The following VAV3 variants were observed in gnomAD, a reference collection of about 807,000 sequenced individuals.
VAV3 encodes the protein guanine nucleotide exchange factor VAV3.
Under a neutral mutation model 131.2 loss-of-function variants are expected in VAV3, and 94 were observed. The ratio of observed to expected loss-of-function variants is 0.72; its 90% confidence interval spans 0.61 to 0.85. VAV3 has a LOEUF of 0.85. Among genes scored for constraint, VAV3 ranks in the 40% least tolerant of loss-of-function variants. The pLI is 0.00. For missense variants in VAV3, 939 were observed against 1,002.7 expected (o/e 0.94, Z 0.86); for synonymous variants, 349 against 342.0 (o/e 1.02, Z -0.22).
intron 2 of VAV3, among the ~76,000 whole-genome samples, chr1:107,783,301 C>G (rs924457332): frequency 6.6e-6 from 1 of 152,050 alleles, no homozygotes; most frequent in Admixed American, 6.5e-5. Flanking sequence ...GGGTAGAGGA[C>G]ATAGGGAACA....
intron 19 of VAV3, among the ~76,000 whole-genome samples, chr1:107,653,372 G>A (rs1409361247): frequency 6.6e-6 from 1 of 151,808 alleles, no homozygotes; most frequent in Non-Finnish European, 1.5e-5. Flanking sequence ...TTCTGAAATA[G>A]AACAAGGGAA....
At chr1:107,718,720 T>C (rs1661285408) in intron 15 of VAV3, among the ~76,000 whole-genome samples, 1 of 152,134 alleles carries the variant, frequency 6.6e-6, no homozygotes, top group South Asian at 2.1e-4. Flanking sequence ...AAAGTTCATA[T>C]GGAACCAAAA....
At chr1:107,657,988 T>A (rs111537116) in intron 19 of VAV3, among the ~76,000 whole-genome samples, 15 of 152,360 alleles carry the variant, frequency 9.8e-5, no homozygotes, top group African/African-American at 3.1e-4. Flanking sequence ...TATTTTGGCA[T>A]AGAATTTATA....
intron 1 of VAV3, among the ~76,000 whole-genome samples, chr1:107,905,529 A>T (rs1323365149): frequency 1.3e-5 from 2 of 152,116 alleles, no homozygotes; most frequent in Non-Finnish European, 2.9e-5. Context: ...GACCTCTGAC[A>T]TCTTAAAAAA....
chr1:107,958,299 T>C (rs1674914433), intron 1 of VAV3, among the ~76,000 whole-genome samples: 1 of 152,210 alleles, frequency 6.6e-6, no homozygotes, highest in South Asian at 2.1e-4. Flanking sequence ...CACCACCTTG[T>C]ATGGGAGGAG....
chr1:107,702,748 C>T (rs547964546), intron 17 of VAV3, among the ~76,000 whole-genome samples: 15 of 151,324 alleles, frequency 9.9e-5, no homozygotes, highest in African/African-American at 2.2e-4. Context: ...TCCACGTGTA[C>T]TCCAGATCAT....
In VAV3 at chr1:107,731,880, C is replaced by T. The variant is rs1570849771; in HGVS notation, c.1502+17088G>A. ...ACCATTATGAAAAGGTATTCAGAAT[C>T]GATGGGAAAAAACAACTATGACAAA... On this transcript the variant is annotated intron_variant, in intron 15 of 26. Transcript: ENST00000370056. Among the ~76,000 whole-genome samples the T allele has an allele frequency of 2.0e-5, 3 of 152,188 alleles. No individual in the cohort carries two copies. The South Asian group carries it at 6.2e-4, about 32-fold the overall frequency.
intron 15 of VAV3, among the ~76,000 whole-genome samples, chr1:107,727,936 CAATT>C (rs1166940154): frequency 6.6e-5 from 10 of 152,104 alleles, no homozygotes; most frequent in Non-Finnish European, 1.5e-4. Context: ...ACACATTAAA[CAATT>C]AAACAAGCAA....
At chr1:107,755,646 T>A in intron 11 of VAV3, 133 bp from the exon 12 acceptor site, 1 of 626,872 alleles carries the variant, frequency 1.6e-6, no homozygotes, top group Non-Finnish European at 2.7e-6. Context: ...GACAGTAAAA[T>A]GAATGCCCAG....
chr1:107,585,695 T>C (rs1190995158), intron 25 of VAV3, among the ~76,000 whole-genome samples: 1 of 152,140 alleles, frequency 6.6e-6, no homozygotes, highest in Non-Finnish European at 1.5e-5. Context: ...AAGTCATGGA[T>C]CCACACCACT....
At chr1:107,902,444 T>G (rs562982313) in intron 1 of VAV3, among the ~76,000 whole-genome samples, 5 of 152,350 alleles carry the variant, frequency 3.3e-5, no homozygotes, top group African/African-American at 1.2e-4. Flanking sequence ...TGTTTCACAT[T>G]CTGGAAGAAT....
chr1:107,704,470 G>A (rs781249098), intron 17 of VAV3, 80 bp downstream of exon 17: 17 of 1,024,464 alleles, frequency 1.7e-5, no homozygotes, highest in African/African-American at 6.4e-5. Flanking sequence ...CACATATTCA[G>A]AGTAAATTAG....
chr1:107,953,517 T>C (rs1674654495), intron 1 of VAV3, among the ~76,000 whole-genome samples: 1 of 152,228 alleles, frequency 6.6e-6, no homozygotes, highest in African/African-American at 2.4e-5. Flanking sequence ...GAAACCATAA[T>C]GCTGCCTTGA....
chr1:107,933,365 CT>C (rs1483476274), intron 1 of VAV3, among the ~76,000 whole-genome samples: 2 of 151,438 alleles, frequency 1.3e-5, no homozygotes, highest in Non-Finnish European at 2.9e-5. Context: ...CAAAGGATAT[CT>C]TAGACTCATT....
chr1:107,743,741 T>C (rs1225536215), intron 15 of VAV3, among the ~76,000 whole-genome samples: 1 of 152,158 alleles, frequency 6.6e-6, no homozygotes, highest in African/African-American at 2.4e-5. Flanking sequence ...GAAATATAAC[T>C]CTAGATTTGA....
chr1:107,892,059 T>G (rs547253777), intron 1 of VAV3, among the ~76,000 whole-genome samples: 1 of 152,236 alleles, frequency 6.6e-6, no homozygotes, highest in South Asian at 2.1e-4. Flanking sequence ...CACTAAATAT[T>G]ACTTACTGCT....
chr1:107,685,105 A>C (rs1658925232), intron 18 of VAV3, among the ~76,000 whole-genome samples: 1 of 152,216 alleles, frequency 6.6e-6, no homozygotes, highest in South Asian at 2.1e-4. Context: ...GATTCCTAGA[A>C]TGCCTAAATT....
intron 20 of VAV3, among the ~76,000 whole-genome samples, chr1:107,625,152 A>G (rs928250038): frequency 1.3e-5 from 2 of 152,132 alleles, no homozygotes; most frequent in African/African-American, 2.4e-5. Flanking sequence ...TTATATAAGC[A>G]CTTTTGCAAT....
chr1:107,580,101 T>C (rs1189696793), intron 25 of VAV3, among the ~76,000 whole-genome samples: 1 of 152,188 alleles, frequency 6.6e-6, no homozygotes, highest in African/African-American at 2.4e-5. Context: ...CTGTGTTGTA[T>C]CCCCAATTAG....
Sources: allele counts gnomAD v4.1 joint callset (sites outside exome capture counted in the v4.1 genomes callset), GRCh38; gene constraint gnomAD v4.1.1; transcripts MANE v1.5; gene names NCBI Gene and HGNC (gene_info 2026-07-23, HGNC 2026-07-21).